ZFHX3: variants seen among roughly 807,000 people sequenced by gnomAD.
ZFHX3 encodes zinc finger homeobox protein 3.
ZFHX3 carries 42 observed loss-of-function variants against 279.1 expected under a neutral mutation model. That is an observed-to-expected ratio of 0.15 (90% CI 0.12 to 0.19). The LOEUF (loss-of-function observed/expected upper bound fraction) is 0.19, where lower values mean the gene tolerates loss of function less well. ZFHX3 is among the 10% of genes least tolerant of loss of function. The pLI is 1.00. For synonymous variants in ZFHX3, 2,293 were observed against 1,957.8 expected, an observed-to-expected ratio of 1.17 and a Z score of -4.52; for missense variants, 4,981 against 4,754.0, an observed-to-expected ratio of 1.05 and a Z score of -1.40.
chr16:73,467,376 C>A (rs1162304735), intron 2 of ZFHX3, among the ~76,000 whole-genome samples: 1 of 152,208 alleles, frequency 6.6e-6, no homozygotes, highest in Non-Finnish European at 1.5e-5. Flanking sequence ...CTCTAGGTCA[C>A]AATTCTTGGC....
chr16:73,102,650 T>C lies in ZFHX3; in HGVS notation c.-896-9052A>G, dbSNP rs113511637. ...GTCAATTTGTCTGCATTTGCTAATA[T>C]GGAAATTTGAAAAAAACACACAAAA... On this transcript the variant is annotated intron_variant, in intron 7 of 17. Transcript: ENST00000641206. Among the ~76,000 whole-genome samples the C allele has an allele frequency of 4.8e-3, 729 of 151,750 alleles. 7 individuals are homozygous for C. The highest frequency in any genetic ancestry group is 0.01 in the Middle Eastern group (3 of 292).
At chr16:73,685,219 T>G (rs1226370472) in intron 1 of ZFHX3, among the ~76,000 whole-genome samples, 1 of 151,222 alleles carries the variant, frequency 6.6e-6, no homozygotes, top group African/African-American at 2.4e-5. Flanking sequence ...GGTTTCACCG[T>G]GTTGGCCCAG....
At chr16:72,862,837 A>G (rs79473866) in intron 4 of ZFHX3, among the ~76,000 whole-genome samples, 18,842 of 146,798 alleles carry the variant, frequency 0.13, 3,283 homozygotes, top group African/African-American at 0.42. Flanking sequence ...GCAAGGAAGG[A>G]AAAAAAAAAG....
intron 3 of ZFHX3, among the ~76,000 whole-genome samples, chr16:73,436,906 C>G (rs116636018): frequency 0.012 from 1,813 of 152,244 alleles, 29 homozygotes; most frequent in African/African-American, 0.042. Flanking sequence ...ACAGACTCCC[C>G]TGAGTTCTAA....
intron 1 of ZFHX3, among the ~76,000 whole-genome samples, chr16:73,690,637 G>T (rs1231332892): frequency 6.6e-6 from 1 of 152,218 alleles, no homozygotes; most frequent in Non-Finnish European, 1.5e-5. Flanking sequence ...GCATGACCAT[G>T]CAACTTACTT....
At chr16:72,811,529 C>T in intron 7 of ZFHX3, 48 bp downstream of exon 7, 2 of 1,504,358 alleles carry the variant, frequency 1.3e-6, no homozygotes, top group South Asian at 2.6e-5. Context: ...ACTGCATCAC[C>T]TTTGACCCTG....
At chr16:72,912,963 T>C (rs935593371) in intron 3 of ZFHX3, among the ~76,000 whole-genome samples, 4 of 152,188 alleles carry the variant, frequency 2.6e-5, no homozygotes, top group Non-Finnish European at 4.4e-5. Context: ...GACCTCATGA[T>C]CCGCCTACCT....
At chr16:73,150,108 A>G (rs1282526065) in intron 5 of ZFHX3, among the ~76,000 whole-genome samples, 6 of 152,172 alleles carry the variant, frequency 3.9e-5, no homozygotes, top group Non-Finnish European at 8.8e-5. Context: ...CACCACTGTC[A>G]ACAGAAGAGT....
chr16:73,645,522 T>C (rs903154468), intron 2 of ZFHX3, among the ~76,000 whole-genome samples: 1 of 152,150 alleles, frequency 6.6e-6, no homozygotes, highest in Non-Finnish European at 1.5e-5. Flanking sequence ...TCCCAAAGTG[T>C]AAAGGACCAT....
At chr16:73,356,573 G>A (rs1018543871) in intron 3 of ZFHX3, among the ~76,000 whole-genome samples, 2 of 151,992 alleles carry the variant, frequency 1.3e-5, no homozygotes, top group African/African-American at 2.4e-5. Context: ...TCCAGTGGGA[G>A]TCCCAGCTCC....
intron 5 of ZFHX3, among the ~76,000 whole-genome samples, chr16:73,251,525 C>T (rs2013487203): frequency 6.6e-6 from 1 of 152,070 alleles, no homozygotes; most frequent in African/African-American, 2.4e-5. Flanking sequence ...TCATTATAAT[C>T]CCAGAACCTT....
chr16:73,888,874 G>A (rs2030435245), intron 1 of ZFHX3, among the ~76,000 whole-genome samples: 1 of 151,808 alleles, frequency 6.6e-6, no homozygotes, highest in East Asian at 1.9e-4. Context: ...AAGGATCCCT[G>A]TTCCCCCAAC....
chr16:73,393,255 T>A (rs2017056885), intron 3 of ZFHX3, among the ~76,000 whole-genome samples: 1 of 152,196 alleles, frequency 6.6e-6, no homozygotes, highest in East Asian at 1.9e-4. Context: ...GGCCCTTCCT[T>A]CCAATTTAAG....
chr16:72,947,988 G>C (rs1157887093), intron 3 of ZFHX3, among the ~76,000 whole-genome samples: 1 of 152,206 alleles, frequency 6.6e-6, no homozygotes, highest in Non-Finnish European at 1.5e-5. Context: ...CAAATCCGTG[G>C]AATGACGAAA....
intron 3 of ZFHX3, among the ~76,000 whole-genome samples, chr16:73,411,235 A>T (rs1597324257): frequency 6.6e-6 from 1 of 152,240 alleles, no homozygotes; most frequent in African/African-American, 2.4e-5. Flanking sequence ...TTGGCCAAAA[A>T]TGTCCTCAAT....
chr16:73,327,237 A>C (rs2015708804), intron 3 of ZFHX3, among the ~76,000 whole-genome samples: 1 of 152,198 alleles, frequency 6.6e-6, no homozygotes, highest in Admixed American at 6.5e-5. Context: ...AACAGGGAGA[A>C]GCAATCTATG....
chr16:73,397,433 G>C (rs1433811694), intron 3 of ZFHX3, among the ~76,000 whole-genome samples: 1 of 151,924 alleles, frequency 6.6e-6, no homozygotes, highest in Non-Finnish European at 1.5e-5. Flanking sequence ...AGTGTGATGT[G>C]AAGCCACTAG....
chr16:73,593,229 T>A (rs2052016687), intron 2 of ZFHX3, among the ~76,000 whole-genome samples: 1 of 152,102 alleles, frequency 6.6e-6, no homozygotes. Flanking sequence ...ACTCAAACTA[T>A]TCTGAAGAAC....
intron 5 of ZFHX3, among the ~76,000 whole-genome samples, chr16:73,169,509 G>C (rs1967469623): frequency 1.3e-5 from 2 of 152,110 alleles, no homozygotes. Flanking sequence ...GGGTGTGGTG[G>C]CGTGTGCCTG....
Sources: gnomAD v4.1 joint callset for allele counts (sites outside exome capture counted in the v4.1 genomes callset) on GRCh38, gnomAD v4.1.1 for gene constraint, MANE v1.5 for transcripts, NCBI Gene and HGNC (gene_info 2026-07-23, HGNC 2026-07-21) for gene names.